Variants in JADE3 observed in about 807,000 individuals in gnomAD.
The protein encoded by JADE3 is jade family PHD finger 3.
JADE3 carries 2 observed loss-of-function variants against 50.1 expected under a neutral mutation model. That is an observed-to-expected ratio of 0.04 (90% CI 0.02 to 0.13). The LOEUF (loss-of-function observed/expected upper bound fraction) is 0.13, where lower values mean the gene tolerates loss of function less well. Ranked by LOEUF, JADE3 falls within the 10% of genes least tolerant of loss-of-function variation. The pLI is 1.00. For synonymous variants in JADE3, 218 were observed against 232.9 expected, an observed-to-expected ratio of 0.94 and a Z score of 0.58; for missense variants, 475 against 634.4, an observed-to-expected ratio of 0.75 and a Z score of 2.70.
At chrX:46,988,256 A>G (rs1927906925) in intron 3 of JADE3, among the ~76,000 whole-genome samples, 1 of 111,522 alleles carries the variant, frequency 9.0e-6, no homozygotes, top group African/African-American at 3.3e-5. Flanking sequence ...TTTATAATCA[A>G]GCACGTCGGG....
At chrX:46,930,766 T>C (rs782247983) in intron 1 of JADE3, among the ~76,000 whole-genome samples, 1 of 111,584 alleles carries the variant, frequency 9.0e-6, no homozygotes, top group Admixed American at 9.5e-5. Context: ...CACAGCCCTA[T>C]GACAGACAGT....
intron 1 of JADE3, among the ~76,000 whole-genome samples, chrX:46,922,436 A>G (rs531780931): frequency 2.2e-4 from 24 of 110,945 alleles, no homozygotes; most frequent in African/African-American, 7.8e-4. Context: ...ATTTCTTCAA[A>G]TAATTCTATC....
chrX:46,923,706 T>C (rs1366423824), intron 1 of JADE3, among the ~76,000 whole-genome samples: 1 of 110,815 alleles, frequency 9.0e-6, no homozygotes, highest in African/African-American at 3.3e-5. Context: ...TGAGCCACTG[T>C]GCTCCACCAG....
intron 8 of JADE3, among the ~76,000 whole-genome samples, chrX:47,042,220 A>G (rs1929276698): frequency 1.8e-5 from 2 of 111,570 alleles, no homozygotes. Flanking sequence ...TTTTTCTACA[A>G]TAATTAGTAA....
chrX:46,930,816 A>G (rs1288940783), intron 1 of JADE3, among the ~76,000 whole-genome samples: 3 of 110,724 alleles, frequency 2.7e-5, no homozygotes, highest in Non-Finnish European at 5.7e-5. Flanking sequence ...CGTCCCTCCT[A>G]CTTACCCTTA....
At chrX:47,042,357 C>T (rs1172675071) in intron 8 of JADE3, among the ~76,000 whole-genome samples, 1 of 111,515 alleles carries the variant, frequency 9.0e-6, no homozygotes, top group African/African-American at 3.3e-5. Context: ...TTTATCTGCC[C>T]TAGTAGACTG....
At chrX:46,917,858 C>CCTCT (rs150958785) in intron 1 of JADE3, among the ~76,000 whole-genome samples, 495 of 22,837 alleles carry the variant, frequency 0.022, 14 homozygotes, top group African/African-American at 0.051. Context: ...TCTCTCTCAT[C>CCTCT]CTCTCTCTCT....
At chrX:46,991,043 T>TCCC (rs1200480004) in intron 3 of JADE3, among the ~76,000 whole-genome samples, 1 of 5,300 alleles carries the variant, frequency 1.9e-4, no homozygotes, top group African/African-American at 5.7e-4. Flanking sequence ...TTTCCTTCCT[T>TCCC]CCCTCCCTCC....
chrX:47,043,408 T>A (rs1556370087), intron 8 of JADE3, among the ~76,000 whole-genome samples: 1 of 112,462 alleles, frequency 8.9e-6, no homozygotes, highest in Admixed American at 9.4e-5. Context: ...GAGACAGATA[T>A]ATAACCTTTC....
intron 1 of JADE3, among the ~76,000 whole-genome samples, chrX:46,957,425 GCTGT>G (rs1927157978): frequency 8.9e-6 from 1 of 112,036 alleles, no homozygotes; most frequent in African/African-American, 3.2e-5. Context: ...GATGTTTTTG[GCTGT>G]CTGCCATTTG....
At chrX:46,976,493 A>G (rs782221230) in intron 1 of JADE3, among the ~76,000 whole-genome samples, 1 of 112,186 alleles carries the variant, frequency 8.9e-6, no homozygotes, top group East Asian at 2.8e-4. Context: ...AGATCTGAAA[A>G]CTGCCATCAA....
rs1225303317 is a variant in JADE3 at position 46,985,740 on chromosome X, C to T, written c.74C>T (p.Ser25Leu). The change falls in exon 3 of 11, where the codon TCA (serine) becomes TTA (leucine). Residue 25 changes from serine to leucine, a missense_variant. Physicochemically the swap from Ser to Leu is moderately radical, Grantham distance 145. Coordinates refer to ENST00000614628, the MANE Select transcript of JADE3 (RefSeq NM_014735.5). ...CCTTCCACTTCCTTTACTTCTGGCT[C>T]AATGTATAGGATCAAGTCAAAAATT... ...ESPSTSFTSG[S>L]MYRIKSKIPN... 4 of 1,199,107 alleles carry T rather than the reference C, an allele frequency of 3.3e-6. No homozygotes were observed. The highest frequency in any genetic ancestry group is 4.5e-6 in the Non-Finnish European group (4 of 886,191).
At chrX:46,982,147 T>C in intron 1 of JADE3, among the ~76,000 whole-genome samples, 1 of 111,615 alleles carries the variant, frequency 9.0e-6, no homozygotes, top group East Asian at 2.8e-4. Context: ...TCTCTGAGGC[T>C]GTTTCTTCTT....
Position 47,027,950 on chromosome X carries a change from T to C in JADE3, c.534T>C (p.His178=). 8.3e-7 allele frequency: 1 copy of C among 1,210,619 alleles called. No individual in the cohort carries two copies. Among genetic ancestry groups the C allele is most frequent in the Non-Finnish European group, 1.1e-6 (1 of 894,720 alleles). Residue 178 remains histidine, a synonymous_variant, in exon 6 of 11, where the codon CAT becomes CAC. Coordinates refer to ENST00000614628, the MANE Select transcript of JADE3 (RefSeq NM_014735.5). ...AGACAGTAGAAGTCCTGGAACGCCA[T>C]TGCCATGAAAATATGAACCATGCTA... The part of the protein sequence containing the change: ...MEKTVEVLER[H]CHENMNHAIE...
At chrX:46,917,862 T>TCTCTCTCTCTCTCTCTCTCTCTCACC (rs1926135349) in intron 1 of JADE3, among the ~76,000 whole-genome samples, 1 of 71,605 alleles carries the variant, frequency 1.4e-5, no homozygotes, top group Non-Finnish European at 2.6e-5. Context: ...TCTCATCCTC[T>TCTCTCTCTCTCTCTCTCTCTCTCACC]CTCTCTCTCT....
intron 1 of JADE3, among the ~76,000 whole-genome samples, chrX:46,960,999 C>T (rs1556347554): frequency 9.0e-6 from 1 of 111,350 alleles, no homozygotes; most frequent in African/African-American, 3.3e-5. Context: ...TGGGAAGCAA[C>T]AGAAGGGTTT....
intron 1 of JADE3, among the ~76,000 whole-genome samples, chrX:46,978,630 A>G (rs1459416517): frequency 2.7e-5 from 3 of 111,668 alleles, no homozygotes; most frequent in Non-Finnish European, 5.7e-5. Context: ...ACAGCAGTTG[A>G]TGAGGCCTGA....
chrX:47,053,227 C>A (rs1675480418), intron 8 of JADE3, among the ~76,000 whole-genome samples: 1 of 110,628 alleles, frequency 9.0e-6, no homozygotes, highest in Non-Finnish European at 1.9e-5. Flanking sequence ...TCAAGACCAG[C>A]CTGAGCAACA....
At chrX:46,959,751 C>T (rs1255315922) in intron 1 of JADE3, among the ~76,000 whole-genome samples, 1 of 110,187 alleles carries the variant, frequency 9.1e-6, no homozygotes, top group Non-Finnish European at 1.9e-5. Flanking sequence ...AAGGAACATA[C>T]TCCAGGCACT....
Sources: allele counts gnomAD v4.1 joint callset (sites outside exome capture counted in the v4.1 genomes callset), GRCh38; gene constraint gnomAD v4.1.1; transcripts MANE v1.5; gene names NCBI Gene and HGNC (gene_info 2026-07-23, HGNC 2026-07-21).